The following KCNQ5 variants were observed in gnomAD, a reference collection of about 807,000 sequenced individuals.
The protein encoded by KCNQ5 is potassium voltage-gated channel subfamily Q member 5, also known as potassium voltage-gated channel subfamily KQT member 5.
A neutral mutation model predicts 98.2 loss-of-function variants in KCNQ5; 30 were observed. That is an observed-to-expected ratio of 0.31 (90% confidence interval 0.23 to 0.41). The LOEUF (loss-of-function observed/expected upper bound fraction) is 0.41. Ranked by LOEUF, KCNQ5 falls within the 10% of genes least tolerant of loss-of-function variation. The probability of loss-of-function intolerance (pLI) is 1.00; values close to 1 mark genes in which losing one functional copy is unlikely to be tolerated. For synonymous variants in KCNQ5, 458 were observed against 449.4 expected (o/e 1.02, Z -0.24); for missense variants, 835 against 1,182.5 (o/e 0.71, Z 4.31).
intron 1 of KCNQ5, among the ~76,000 whole-genome samples, chr6:72,840,122 G>T (rs1309644355): frequency 1.3e-5 from 2 of 152,004 alleles, no homozygotes; most frequent in Non-Finnish European, 2.9e-5. Context: ...GCATTCCATT[G>T]TGTATATATA....
At chr6:73,134,175 C>G (rs1351226006) in intron 10 of KCNQ5, 1 of 269,364 alleles carries the variant, frequency 3.7e-6, no homozygotes, top group Non-Finnish European at 7.5e-6. Context: ...TCGAAGTCTT[C>G]CAATGATAAG....
intron 1 of KCNQ5, among the ~76,000 whole-genome samples, chr6:72,801,193 G>A (rs1223263991): frequency 6.7e-6 from 1 of 149,914 alleles, no homozygotes; most frequent in Non-Finnish European, 1.5e-5. Flanking sequence ...TTAACTTTCT[G>A]TCTCGTTGAT....
intron 1 of KCNQ5, among the ~76,000 whole-genome samples, chr6:72,800,411 G>A (rs990908643): frequency 5.9e-5 from 9 of 152,096 alleles, no homozygotes; most frequent in South Asian, 2.1e-4. Flanking sequence ...GTTTATTTGC[G>A]TAGAGGTGTT....
At chr6:73,037,718 G>T (rs1340153008) in intron 2 of KCNQ5, among the ~76,000 whole-genome samples, 2 of 152,042 alleles carry the variant, frequency 1.3e-5, no homozygotes, top group Non-Finnish European at 2.9e-5. Context: ...TGTTCTATAT[G>T]TCTGTATGTT....
At chr6:72,886,337 G>A (rs1778841334) in intron 1 of KCNQ5, among the ~76,000 whole-genome samples, 1 of 152,022 alleles carries the variant, frequency 6.6e-6, no homozygotes, top group Non-Finnish European at 1.5e-5. Context: ...TGCCTGTTTA[G>A]TAAACATTAG....
intron 1 of KCNQ5, among the ~76,000 whole-genome samples, chr6:72,920,613 T>C (rs1487174063): frequency 1.3e-5 from 2 of 152,224 alleles, no homozygotes; most frequent in Admixed American, 1.3e-4. Flanking sequence ...TGACATTTAT[T>C]TGAGTGAAGA....
chr6:72,804,058 A>G (rs1043189207), intron 1 of KCNQ5, among the ~76,000 whole-genome samples: 1 of 152,088 alleles, frequency 6.6e-6, no homozygotes, highest in African/African-American at 2.4e-5. Context: ...AATGCTTTAC[A>G]GTATACTTTT....
chr6:72,768,552 G>T (rs111690496), intron 1 of KCNQ5, among the ~76,000 whole-genome samples: 4 of 152,116 alleles, frequency 2.6e-5, no homozygotes, highest in Admixed American at 6.6e-5. Flanking sequence ...GGGAGATAGA[G>T]GATAATTATT....
chr6:72,779,248 G>A lies in KCNQ5; in HGVS notation c.398+156661G>A, dbSNP rs541989600. The stretch of plus-strand genomic sequence containing the variant: ...GAGGGCATTATGAGGCAGAGTCCTG[G>A]AGGAAGAAGGAGAGGCCCAGGCCAG... On this transcript the variant is annotated intron_variant, in intron 1 of 13. Coordinates refer to ENST00000370398, the MANE Select transcript of KCNQ5 (RefSeq NM_019842.4). Among the ~76,000 whole-genome samples, 213 of 152,304 alleles carry A rather than the reference G, an allele frequency of 1.4e-3. 1 individual carries two copies. Among genetic ancestry groups the A allele is most frequent in the Non-Finnish European group, 1.7e-3 (115 of 68,028 alleles).
intron 1 of KCNQ5, among the ~76,000 whole-genome samples, chr6:72,660,647 C>A (rs1190610951): frequency 6.6e-6 from 1 of 152,158 alleles, no homozygotes; most frequent in Non-Finnish European, 1.5e-5. Flanking sequence ...GTTTATCTTG[C>A]ACTTCACTCC....
At chr6:72,671,392 A>C (rs1323178300) in intron 1 of KCNQ5, among the ~76,000 whole-genome samples, 1 of 152,212 alleles carries the variant, frequency 6.6e-6, no homozygotes, top group Non-Finnish European at 1.5e-5. Context: ...GATTTCTCAT[A>C]GTTATGCTAC....
At chr6:72,631,894 T>G (rs1039186693) in intron 1 of KCNQ5, among the ~76,000 whole-genome samples, 2 of 152,208 alleles carry the variant, frequency 1.3e-5, no homozygotes, top group African/African-American at 4.8e-5. Context: ...TTTATGCACA[T>G]TAATTCTTTT....
chr6:72,920,629 C>T (rs1048458438), intron 1 of KCNQ5, among the ~76,000 whole-genome samples: 3 of 152,114 alleles, frequency 2.0e-5, no homozygotes, highest in African/African-American at 7.2e-5. Context: ...GAAGAAAAAG[C>T]CTGACAATCT....
chr6:72,905,103 G>T (rs1191556167), intron 1 of KCNQ5, among the ~76,000 whole-genome samples: 1 of 151,972 alleles, frequency 6.6e-6, no homozygotes, highest in Non-Finnish European at 1.5e-5. Context: ...TGTTGGATTG[G>T]GTTAATTCAA....
At chr6:72,812,558 G>C (rs538616240) in intron 1 of KCNQ5, among the ~76,000 whole-genome samples, 35 of 152,266 alleles carry the variant, frequency 2.3e-4, no homozygotes, top group African/African-American at 8.4e-4. Context: ...GTGTACACAG[G>C]GGACCTCGGA....
intron 2 of KCNQ5, among the ~76,000 whole-genome samples, chr6:73,036,346 A>G (rs1344886810): frequency 7.0e-6 from 1 of 142,334 alleles, no homozygotes; most frequent in South Asian, 2.2e-4. Context: ...AGATCGCACC[A>G]CTGCACTCCA....
chr6:72,978,192 G>C (rs1337925325), intron 1 of KCNQ5, among the ~76,000 whole-genome samples: 1 of 152,074 alleles, frequency 6.6e-6, no homozygotes, highest in Admixed American at 6.6e-5. Flanking sequence ...CAGTCGAAAA[G>C]GCTGTTTTTG....
At chr6:73,100,644 G>A (rs1582358113) in intron 5 of KCNQ5, among the ~76,000 whole-genome samples, 1 of 151,118 alleles carries the variant, frequency 6.6e-6, no homozygotes, top group East Asian at 1.9e-4. Context: ...ACTCCAGCCT[G>A]GGCAACAGAG....
chr6:72,679,593 G>A (rs1391592725), intron 1 of KCNQ5, among the ~76,000 whole-genome samples: 2 of 149,960 alleles, frequency 1.3e-5, no homozygotes, highest in Admixed American at 6.7e-5. Flanking sequence ...GGAGGGGAGA[G>A]GGATAGTTTT....
Sources: gnomAD v4.1 joint callset for allele counts (sites outside exome capture counted in the v4.1 genomes callset) on GRCh38, gnomAD v4.1.1 for gene constraint, MANE v1.5 for transcripts, NCBI Gene and HGNC (gene_info 2026-07-23, HGNC 2026-07-21) for gene names.